BCKDHB: variants seen among roughly 807,000 people sequenced by gnomAD.
The protein encoded by BCKDHB is 2-oxoisovalerate dehydrogenase subunit beta, mitochondrial.
In BCKDHB, 41 loss-of-function variants were observed where a neutral mutation model predicts 48.5. That is an observed-to-expected ratio of 0.85 (90% CI 0.66 to 1.10). BCKDHB has a LOEUF of 1.10. BCKDHB is among the 50% of genes least tolerant of loss of function. The pLI is 0.00. For missense variants in BCKDHB, 496 were observed against 494.2 expected (o/e 1.00, Z -0.03); for synonymous variants, 201 against 174.8 (o/e 1.15, Z -1.18).
At chr6:80,315,384 T>A (rs1768388421) in intron 9 of BCKDHB, among the ~76,000 whole-genome samples, 1 of 152,122 alleles carries the variant, frequency 6.6e-6, no homozygotes, top group South Asian at 2.1e-4. Flanking sequence ...GGGTGGGGGT[T>A]CCCTTGACTA....
chr6:80,157,874 C>T (rs944304207), intron 3 of BCKDHB, among the ~76,000 whole-genome samples: 3 of 152,136 alleles, frequency 2.0e-5, no homozygotes, highest in Non-Finnish European at 4.4e-5. Flanking sequence ...TTACATAGTA[C>T]ATATCTATTT....
the BCKDHB span, among the ~76,000 whole-genome samples, chr6:80,403,314 T>C: frequency 1.3e-5 from 2 of 151,866 alleles, no homozygotes; most frequent in African/African-American, 2.4e-5. Flanking sequence ...CTTACACTTC[T>C]TTGGTTAAAT....
chr6:80,251,649 A>C (rs1487498704), intron 8 of BCKDHB: 1 of 152,184 alleles, frequency 6.6e-6, no homozygotes, highest in Admixed American at 6.5e-5. Context: ...TTCAAATATT[A>C]TTCATACTCT....
At chr6:80,186,756 T>G (rs1268409677) in intron 6 of BCKDHB, among the ~76,000 whole-genome samples, 4 of 152,242 alleles carry the variant, frequency 2.6e-5, no homozygotes, top group African/African-American at 9.6e-5. Context: ...TTTCTCTGGT[T>G]TGAGCCGGGA....
At chr6:80,381,876 T>C in the BCKDHB span, among the ~76,000 whole-genome samples, 1 of 152,112 alleles carries the variant, frequency 6.6e-6, no homozygotes, top group African/African-American at 2.4e-5. Context: ...AGTGTAATCC[T>C]CTGAGGCATG....
At chr6:80,432,345 A>T in the BCKDHB span, among the ~76,000 whole-genome samples, 1 of 152,044 alleles carries the variant, frequency 6.6e-6, no homozygotes, top group East Asian at 1.9e-4. Context: ...GTCTTTTCAC[A>T]TAGTCCCATA....
chr6:80,120,777 G>A lies in BCKDHB; in HGVS notation c.197-6770G>A, dbSNP rs140773162. Among the ~76,000 whole-genome samples, 1,417 of 152,036 alleles carry A rather than the reference G, an allele frequency of 9.3e-3. 29 individuals carry two copies. The highest frequency in any genetic ancestry group is 0.033 in the African/African-American group (1,348 of 41,456). ...CTGGATATTAGCCCTTTGTCAGATG[G>A]GTAGATTGCGAAAATTTTCTCCCAT... On this transcript the variant is annotated intron_variant, in intron 1 of 9. Coordinates refer to ENST00000320393, the MANE Select transcript of BCKDHB (RefSeq NM_183050.4).
chr6:80,283,528 CA>C (rs1766473248), intron 9 of BCKDHB, among the ~76,000 whole-genome samples: 2 of 152,056 alleles, frequency 1.3e-5, no homozygotes, highest in South Asian at 4.1e-4. Flanking sequence ...TTTATATTTA[CA>C]TATTTACCAA....
chr6:80,383,218 A>C, the BCKDHB span, among the ~76,000 whole-genome samples: 20 of 152,092 alleles, frequency 1.3e-4, no homozygotes, highest in African/African-American at 4.6e-4. Context: ...GTGGTCAACT[A>C]TTTCCCATAT....
chr6:80,200,292 T>C (rs1419071055), intron 6 of BCKDHB, among the ~76,000 whole-genome samples: 1 of 152,098 alleles, frequency 6.6e-6, no homozygotes, highest in Non-Finnish European at 1.5e-5. Context: ...TTTATCTTTT[T>C]GAGGTCTACA....
intron 3 of BCKDHB, among the ~76,000 whole-genome samples, chr6:80,147,099 C>T (rs1400788982): frequency 6.6e-6 from 1 of 152,138 alleles, no homozygotes; most frequent in Non-Finnish European, 1.5e-5. Flanking sequence ...ATGCCCAGCA[C>T]TGTTCTTAGA....
At chr6:80,428,088 G>A in the BCKDHB span, among the ~76,000 whole-genome samples, 14 of 147,066 alleles carry the variant, frequency 9.5e-5, no homozygotes, top group Non-Finnish European at 1.8e-4. Context: ...TGTTCTCATT[G>A]TTCAACTCCC....
At position 80,344,898 on chromosome 6, in the gene BCKDHB, A is replaced by G. The variant is rs1184738362; in HGVS notation, c.*1094A>G. 2 of 152,218 alleles carry G rather than the reference A, an allele frequency of 1.3e-5. No homozygotes were observed. The highest frequency in any genetic ancestry group is 2.9e-5 in the Non-Finnish European group (2 of 68,038). 9.4% of individuals were successfully genotyped at this position (152,218 alleles called of 1,614,324 possible). On this transcript the variant is annotated 3_prime_UTR_variant, in exon 10 of 10. Transcript: ENST00000320393. ...CCAGTTATTTACATGATAATTCATG[A>G]CATTCTGAAACTTGCCTGTATATTA...
chr6:80,442,720 G>A, the BCKDHB span, among the ~76,000 whole-genome samples: 1 of 152,124 alleles, frequency 6.6e-6, no homozygotes, highest in Non-Finnish European at 1.5e-5. Context: ...AAGCTAGTGA[G>A]GGGAGAGTAT....
chr6:80,313,062 CT>C (rs71070759), intron 9 of BCKDHB, among the ~76,000 whole-genome samples: 1 of 151,978 alleles, frequency 6.6e-6, no homozygotes, highest in Admixed American at 6.6e-5. Context: ...TGGTCCTGGG[CT>C]TTTTTTGTGG....
At chr6:80,451,602 G>C in the BCKDHB span, among the ~76,000 whole-genome samples, 1 of 152,086 alleles carries the variant, frequency 6.6e-6, no homozygotes, top group Non-Finnish European at 1.5e-5. Context: ...GTCGGGCATG[G>C]TGGCAGGTGC....
chr6:80,152,589 C>T (rs930697423), intron 3 of BCKDHB, among the ~76,000 whole-genome samples: 4 of 152,080 alleles, frequency 2.6e-5, no homozygotes, highest in African/African-American at 7.2e-5. Context: ...GGGTGATTTC[C>T]AAAGTACAGA....
At chr6:80,237,204 A>C (rs1426643267) in intron 8 of BCKDHB, among the ~76,000 whole-genome samples, 4 of 152,156 alleles carry the variant, frequency 2.6e-5, no homozygotes, top group Non-Finnish European at 5.9e-5. Context: ...CCATTTAAGG[A>C]GGAAATTTTT....
At chr6:80,400,417 AACAG>A in the BCKDHB span, among the ~76,000 whole-genome samples, 2 of 152,144 alleles carry the variant, frequency 1.3e-5, no homozygotes, top group Non-Finnish European at 2.9e-5. Flanking sequence ...AACAGATATG[AACAG>A]ACACTTTTTA....
Sources: allele counts gnomAD v4.1 joint callset (sites outside exome capture counted in the v4.1 genomes callset), GRCh38; gene constraint gnomAD v4.1.1; transcripts MANE v1.5; gene names NCBI Gene and HGNC (gene_info 2026-07-23, HGNC 2026-07-21).